RSBN1: variants seen among roughly 807,000 people sequenced by gnomAD.
RSBN1 encodes the protein lysine-specific demethylase 9.
A neutral mutation model predicts 74.8 loss-of-function variants in RSBN1; 23 were observed. That is an observed-to-expected ratio of 0.31 (90% CI 0.22 to 0.44). The LOEUF (loss-of-function observed/expected upper bound fraction) is 0.44, where lower values mean the gene tolerates loss of function less well. RSBN1 is among the 20% of genes least tolerant of loss of function. RSBN1 has a pLI of 1.00. For synonymous variants in RSBN1, 407 were observed against 379.6 expected (o/e 1.07, Z -0.84); for missense variants, 808 against 1,020.9 (o/e 0.79, Z 2.84).
intron 2 of RSBN1, among the ~76,000 whole-genome samples, chr1:113,778,216 C>G (rs1479566116): frequency 6.6e-6 from 1 of 152,058 alleles, no homozygotes; most frequent in African/African-American, 2.4e-5. Context: ...ATTTTGTACT[C>G]CCTAGCTTCA....
At chr1:113,805,027 T>C (rs1288075688) in intron 1 of RSBN1, among the ~76,000 whole-genome samples, 2 of 152,136 alleles carry the variant, frequency 1.3e-5, no homozygotes, top group Non-Finnish European at 2.9e-5. Context: ...CTTTCTTTCC[T>C]TTTTAACAAC....
At chr1:113,804,109 AC>A (rs71918442) in intron 1 of RSBN1, among the ~76,000 whole-genome samples, 1,837 of 152,004 alleles carry the variant, frequency 0.012, 49 homozygotes, top group African/African-American at 0.043. Flanking sequence ...AGCCTGGGCA[AC>A]CCCGTCTCAG....
intron 2 of RSBN1, among the ~76,000 whole-genome samples, chr1:113,797,006 T>C (rs1303723440): frequency 6.6e-6 from 1 of 152,210 alleles, no homozygotes; most frequent in East Asian, 1.9e-4. Flanking sequence ...ACGTGTTTTA[T>C]TATGATATAA....
At position 113,798,035 on chromosome 1, in the gene RSBN1, T is replaced by G. The variant is rs772070504; in HGVS notation, c.705A>C (p.Glu235Asp). The change falls in exon 2 of 7, where the codon GAA becomes GAC. Residue 235 changes from glutamate to aspartate, a missense_variant and splice_region_variant. Physicochemically the swap from Glu to Asp is conservative, Grantham distance 45 (BLOSUM62 2). Around this residue, in one of 6 missense-constraint regions of RSBN1, gnomAD observed 464 missense variants for 401.0 expected, o/e 1.16. Coordinates refer to ENST00000261441, the MANE Select transcript of RSBN1 (RefSeq NM_018364.5). ...GGGTTTTACCATTTTCATCTGGTGT[T>G]TCTGGCCACAATAATTAAAAAGAAG... ...GVPLIKAPKR[E>D]TPDENGKTQR... 1.9e-6 allele frequency: 3 copies of G among 1,596,080 alleles called. No individual in the cohort carries two copies. The highest frequency in any genetic ancestry group is 2.6e-6 in the Non-Finnish European group (3 of 1,174,396).
At chr1:113,783,780 T>C (rs1233697451) in intron 2 of RSBN1, among the ~76,000 whole-genome samples, 6 of 151,990 alleles carry the variant, frequency 3.9e-5, no homozygotes, top group African/African-American at 1.4e-4. Context: ...ACAACACCAG[T>C]AGGAACGACA....
At chr1:113,777,940 A>G in intron 2 of RSBN1, 132 bp from the exon 3 acceptor site, 2 of 806,390 alleles carry the variant, frequency 2.5e-6, no homozygotes, top group Non-Finnish European at 3.5e-6. Flanking sequence ...AATACCTTGA[A>G]TAAAGTCAGA....
At chr1:113,768,050 A>G in intron 5 of RSBN1, 172 bp downstream of exon 5, 1 of 489,862 alleles carries the variant, frequency 2.0e-6, no homozygotes. Flanking sequence ...TCTGTTTCGT[A>G]ACAATGTAAA....
In RSBN1 at chr1:113,763,812, ATACACAGTGCTG is replaced by A. The variant is rs1235915931; in HGVS notation, c.*2156_*2167del. The A allele has an allele frequency of 6.5e-5, 10 of 152,672 alleles. No individual in the cohort carries two copies. Among genetic ancestry groups the A allele is most frequent in the African/African-American group, 2.4e-4 (10 of 41,418 alleles). The allele number at this position is 152,672 out of a possible 1,614,324, so 9.5% of individuals were successfully genotyped here. ...CAGATCCGCTGGTTCCTGAGTGATA[ATACACAGTGCTG>A]GCTGTCAGGAGACAGTCTCCTTGTT... On this transcript the variant is annotated 3_prime_UTR_variant, in exon 7 of 7. Coordinates refer to ENST00000261441, the MANE Select transcript of RSBN1 (RefSeq NM_018364.5).
At chr1:113,767,321 A>C in intron 5 of RSBN1, 114 bp from the exon 6 acceptor site, 1 of 544,074 alleles carries the variant, frequency 1.8e-6, no homozygotes, top group South Asian at 3.1e-5. Context: ...ATAGATGCAT[A>C]GTTTCTAAGG....
Position 113,811,913 on chromosome 1 carries a change from G to A in RSBN1, c.500C>T (p.Thr167Ile). The change falls in exon 1 of 7, where the codon ACC becomes ATC. Residue 167 changes from threonine (T) to isoleucine (I), a missense_variant. Around this residue, in one of 6 missense-constraint regions of RSBN1, gnomAD observed 464 missense variants for 401.0 expected, o/e 1.16. Transcript: ENST00000261441. ...AVAAPLPAPS[T>I]SALFTFSPLT... The stretch of plus-strand genomic sequence containing the variant: ...AGGCGAGAAGGTGAAGAGGGCCGAG[G>A]TGCTTGGGGCCGGGAGAGGGGCAGC... 1 of 1,608,962 alleles carries A rather than the reference G, an allele frequency of 6.2e-7. No individual in the cohort carries two copies. Among genetic ancestry groups the A allele is most frequent in the East Asian group, 2.2e-5 (1 of 44,728 alleles).
chr1:113,808,790 G>A (rs1461919768), intron 1 of RSBN1, among the ~76,000 whole-genome samples: 2 of 152,154 alleles, frequency 1.3e-5, no homozygotes, highest in Non-Finnish European at 2.9e-5. Context: ...CAGAGGACAG[G>A]GACAGTAGAG....
rs1659744708 is a variant in RSBN1, at chr1:113,764,604, C to A, written c.*1376G>T. The A allele has an allele frequency of 6.8e-6, 1 of 146,160 alleles. No individual in the cohort carries two copies. The allele number at this position is 146,160 out of a possible 1,614,324, so 9.1% of individuals were successfully genotyped here. A position where few individuals can be genotyped will look rare whatever the true frequency, so the allele number is the denominator to read the frequency against. ...TTTCATGGTGACAGACATAATAAAGCAGCATCTTGTATTTTTTTTTTTTTT... is the reference window on the plus strand; with the variant it reads ...TTTCATGGTGACAGACATAATAAAGAAGCATCTTGTATTTTTTTTTTTTTT... On this transcript the variant is annotated 3_prime_UTR_variant, in exon 7 of 7. Transcript: ENST00000261441.
chr1:113,770,825 CA>C (rs1659872983), intron 4 of RSBN1, among the ~76,000 whole-genome samples: 1 of 151,704 alleles, frequency 6.6e-6, no homozygotes, highest in Admixed American at 6.6e-5. Flanking sequence ...GGTTAGAAGA[CA>C]AAAGTCCAGT....
At chr1:113,801,640 A>G (rs1449036824) in intron 1 of RSBN1, among the ~76,000 whole-genome samples, 1 of 152,244 alleles carries the variant, frequency 6.6e-6, no homozygotes, top group African/African-American at 2.4e-5. Flanking sequence ...ATTTCCCCAT[A>G]GTGCAAAAGC....
chr1:113,779,740 C>T (rs533369050), intron 2 of RSBN1, among the ~76,000 whole-genome samples: 5 of 152,102 alleles, frequency 3.3e-5, no homozygotes, highest in African/African-American at 7.2e-5. Context: ...TTATCAGTCT[C>T]GGCCAGGCAC....
chr1:113,780,931 T>C (rs780135462), intron 2 of RSBN1, among the ~76,000 whole-genome samples: 4 of 152,198 alleles, frequency 2.6e-5, no homozygotes, highest in Non-Finnish European at 4.4e-5. Flanking sequence ...AAATTAGACC[T>C]CTAGCTTTCT....
In RSBN1 at chr1:113,777,213, C is replaced by T; in HGVS notation, c.1655G>A (p.Arg552Gln). ...TTTGAGAAAAAGAAATATTTACCGT[C>T]GTCTTTTGAAGGGTGACTTTGGCAT... ...ADMPKSPFKR[R>Q]RSMNEIKNLQ... The change falls in exon 4 of 7, where the codon CGA (arginine) becomes CAA (glutamine). Residue 552 changes from arginine to glutamine, a missense_variant. Arg to Gln is a conservative substitution (Grantham distance 43). This residue lies in a region of RSBN1 where 112 missense variants were observed against 257.3 expected (regional missense o/e 0.44). Transcript: ENST00000261441. 1 of 1,601,590 alleles carries T rather than the reference C, an allele frequency of 6.2e-7. No homozygotes were observed. Among genetic ancestry groups the T allele is most frequent in the Non-Finnish European group, 8.5e-7 (1 of 1,174,182 alleles).
intron 2 of RSBN1, among the ~76,000 whole-genome samples, chr1:113,778,446 C>T (rs112403471): frequency 5.3e-5 from 8 of 151,870 alleles, no homozygotes; most frequent in East Asian, 3.9e-4. Flanking sequence ...TACAGGTGTG[C>T]GCCACCATGC....
intron 2 of RSBN1, among the ~76,000 whole-genome samples, chr1:113,790,195 T>C (rs540367907): frequency 6.6e-6 from 1 of 152,016 alleles, no homozygotes; most frequent in South Asian, 2.1e-4. Context: ...GTTGGAGGGG[T>C]AGTAGCGGGT....
Sources: gnomAD v4.1 joint callset for allele counts (sites outside exome capture counted in the v4.1 genomes callset) on GRCh38, gnomAD v4.1.1 for gene constraint, gnomAD v4.1.1 regional missense constraint, MANE v1.5 for transcripts, NCBI Gene and HGNC (gene_info 2026-07-23, HGNC 2026-07-21) for gene names.